The following VPS54 variants were observed in gnomAD, a reference collection of about 807,000 sequenced individuals.
The protein encoded by VPS54 is VPS54 subunit of GARP complex.
VPS54 carries 45 observed loss-of-function variants against 121.5 expected under a neutral mutation model. The ratio of observed to expected loss-of-function variants is 0.37; its 90% CI spans 0.29 to 0.47. The LOEUF (loss-of-function observed/expected upper bound fraction) is 0.47. Ranked by LOEUF, VPS54 falls within the 20% of genes least tolerant of loss-of-function variation. The probability of loss-of-function intolerance (pLI) is 0.99; values close to 1 mark genes in which losing one functional copy is unlikely to be tolerated. For synonymous variants in VPS54, 371 were observed against 385.8 expected, an observed-to-expected ratio of 0.96 and a Z score of 0.45; for missense variants, 1,090 against 1,131.4, an observed-to-expected ratio of 0.96 and a Z score of 0.52.
chr2:63,908,540 T>G (rs1023321896), intron 20 of VPS54, among the ~76,000 whole-genome samples: 1 of 152,188 alleles, frequency 6.6e-6, no homozygotes, highest in Admixed American at 6.5e-5. Context: ...TTTTACTGAC[T>G]GTAAATTATA....
chr2:63,897,114 G>C (rs917659723), intron 22 of VPS54, among the ~76,000 whole-genome samples: 1 of 152,108 alleles, frequency 6.6e-6, no homozygotes, highest in African/African-American at 2.4e-5. Flanking sequence ...CCCTGTGAAA[G>C]AATTAAGACA....
chr2:64,013,799 T>G (rs1293475027), intron 1 of VPS54, among the ~76,000 whole-genome samples: 3 of 151,172 alleles, frequency 2.0e-5, no homozygotes, highest in African/African-American at 7.3e-5. Context: ...TATTCCACCC[T>G]CAAATTACCC....
intron 5 of VPS54, among the ~76,000 whole-genome samples, chr2:63,968,280 A>G (rs976282386): frequency 3.3e-5 from 5 of 152,114 alleles, no homozygotes; most frequent in African/African-American, 1.2e-4. Flanking sequence ...GATCAGCAAA[A>G]TTTTTTTAAT....
intron 3 of VPS54, among the ~76,000 whole-genome samples, chr2:63,979,891 C>A (rs1040606845): frequency 6.6e-6 from 1 of 151,866 alleles, no homozygotes; most frequent in Non-Finnish European, 1.5e-5. Context: ...GTTTTCAAAC[C>A]TAGAATATAG....
At chr2:63,947,517 A>T (rs752160445) in intron 8 of VPS54, 27 bp from the exon 9 acceptor site, 1 of 1,429,346 alleles carries the variant, frequency 7.0e-7, no homozygotes, top group Admixed American at 2.3e-5. Flanking sequence ...ATGTAACTTG[A>T]CATTTTAAAT....
At chr2:63,896,147 C>T (rs538402672) in intron 22 of VPS54, among the ~76,000 whole-genome samples, 2 of 152,160 alleles carry the variant, frequency 1.3e-5, no homozygotes, top group Non-Finnish European at 2.9e-5. Context: ...ATATACACAG[C>T]GTCACCACAT....
intron 20 of VPS54, among the ~76,000 whole-genome samples, chr2:63,906,129 A>G (rs887524492): frequency 6.6e-6 from 1 of 152,212 alleles, no homozygotes; most frequent in Admixed American, 6.5e-5. Context: ...GAAACCAAGC[A>G]TATCTGTTTT....
In VPS54 at chr2:63,967,718, C is replaced by CAAAA. The variant is rs56820620; in HGVS notation, c.492+1235_492+1238dup. Among the ~76,000 whole-genome samples, 496 of 52,992 alleles carry CAAAA rather than the reference C, an allele frequency of 9.4e-3. 45 individuals are homozygous for CAAAA. The highest frequency in any genetic ancestry group is 0.02 in the Middle Eastern group (2 of 98). 34.8% of individuals were successfully genotyped at this position (52,992 alleles called of 152,430 possible). ...TGGGCGACAGAGAGAGACTCTGCCT[C>CAAAA]AAAAAAAAAAAAAAAAATCTTATAA... On this transcript the variant is annotated intron_variant, in intron 5 of 22. Transcript: ENST00000272322.
At chr2:63,992,978 T>A (rs1228284365) in intron 1 of VPS54, among the ~76,000 whole-genome samples, 1 of 152,222 alleles carries the variant, frequency 6.6e-6, no homozygotes, top group Non-Finnish European at 1.5e-5. Context: ...GCAAGTGCTT[T>A]CACCAGTTCG....
Position 63,947,408 on chromosome 2 carries a change from A to G in VPS54, c.1220T>C (p.Ile407Thr). 3 of 1,560,404 alleles carry G rather than the reference A, an allele frequency of 1.9e-6. 1 individual carries two copies. The highest frequency in any genetic ancestry group is 2.3e-5 in the South Asian group (2 of 88,422). Residue 407 changes from isoleucine (I) to threonine (T), a missense_variant, in exon 9 of 23, where the codon ATT becomes ACT. Physicochemically the swap from Ile to Thr is moderately conservative, Grantham distance 89 (BLOSUM62 -1). This residue lies in a region of VPS54 where 801 missense variants were observed against 757.0 expected (regional missense o/e 1.06). Transcript: ENST00000272322. ...FLEIYGEKMVITAKNIIKQCV... is the reference protein window; with the variant it reads ...FLEIYGEKMVTTAKNIIKQCV... ...CTGTTTAATGATATTCTTTGCTGTA[A>G]TAACCATTTTTTCACCATAGATTTC...
intron 11 of VPS54, among the ~76,000 whole-genome samples, chr2:63,942,031 C>CAA (rs34766515): frequency 0.038 from 2,947 of 76,914 alleles, 156 homozygotes; most frequent in African/African-American, 0.13. Flanking sequence ...GACTCCACCT[C>CAA]AAAAAAAAAA....
intron 1 of VPS54, among the ~76,000 whole-genome samples, chr2:64,006,622 T>C (rs78116427): frequency 0.029 from 4,303 of 148,174 alleles, 196 homozygotes; most frequent in African/African-American, 0.1. Context: ...ACAACTATTA[T>C]TATAAACTTT....
At chr2:63,952,294 T>A (rs1229467243) in intron 7 of VPS54, among the ~76,000 whole-genome samples, 2 of 152,134 alleles carry the variant, frequency 1.3e-5, no homozygotes, top group Non-Finnish European at 2.9e-5. Context: ...GATAACCTAG[T>A]TGGTCCAAAG....
intron 1 of VPS54, among the ~76,000 whole-genome samples, chr2:64,010,555 A>G (rs1301040792): frequency 6.6e-6 from 1 of 152,188 alleles, no homozygotes; most frequent in Admixed American, 6.5e-5. Flanking sequence ...AATACATCAA[A>G]TATCTCATGT....
intron 3 of VPS54, 61 bp downstream of exon 3, chr2:63,981,585 C>T: frequency 1.3e-6 from 2 of 1,491,416 alleles, no homozygotes; most frequent in Non-Finnish European, 1.8e-6. Flanking sequence ...TATAATAAAG[C>T]ATACTAAAAA....
intron 1 of VPS54, among the ~76,000 whole-genome samples, chr2:63,997,522 A>G (rs1047998351): frequency 2.6e-5 from 4 of 152,068 alleles, no homozygotes; most frequent in African/African-American, 7.2e-5. Flanking sequence ...AATCCTCTGA[A>G]TTTTGTGGTA....
At chr2:63,990,221 C>G (rs1163969946) in intron 1 of VPS54, among the ~76,000 whole-genome samples, 2 of 152,262 alleles carry the variant, frequency 1.3e-5, no homozygotes, top group South Asian at 4.1e-4. Context: ...CCCCACCTAA[C>G]GATGCTGAAA....
chr2:63,914,166 G>A lies in VPS54; in HGVS notation c.2334+16C>T, dbSNP rs889843176. 1.3e-6 allele frequency: 2 copies of A among 1,586,586 alleles called. No homozygotes were observed. The highest frequency in any genetic ancestry group is 2.7e-5 in the African/African-American group (2 of 74,358). Reference sequence around the variant, plus strand: ...CCTCGAAAAATTTTTCCATAATGGAGTGAAGTCATACATACCTTCAATAAA... The same window carrying A: ...CCTCGAAAAATTTTTCCATAATGGAATGAAGTCATACATACCTTCAATAAA... On this transcript the variant is annotated intron_variant, in intron 17 of 22. Transcript: ENST00000272322.
At chr2:64,018,292 T>C (rs1046723946) in intron 1 of VPS54, among the ~76,000 whole-genome samples, 8 of 152,086 alleles carry the variant, frequency 5.3e-5, no homozygotes, top group Non-Finnish European at 1.2e-4. Flanking sequence ...ATGCTAAAAA[T>C]ACCATCTTGA....
Sources: allele counts gnomAD v4.1 joint callset (sites outside exome capture counted in the v4.1 genomes callset), GRCh38; gene constraint gnomAD v4.1.1; regional missense constraint gnomAD v4.1.1; transcripts MANE v1.5; gene names NCBI Gene and HGNC (gene_info 2026-07-23, HGNC 2026-07-21).